KAZN: variants seen among roughly 807,000 people sequenced by gnomAD.
KAZN encodes kazrin.
In KAZN, 40 loss-of-function variants were observed where a neutral mutation model predicts 87.4. The observed-to-expected ratio is 0.46, with a 90% CI of 0.36 to 0.60. The LOEUF is 0.60. KAZN is among the 20% of genes least tolerant of loss of function. KAZN has a pLI of 0.00. For synonymous variants in KAZN, 466 were observed against 458.3 expected (o/e 1.02, Z -0.22); for missense variants, 898 against 1,073.9 (o/e 0.84, Z 2.29).
At chr1:14,593,539 A>G (rs1309128946) in intron 2 of KAZN, among the ~76,000 whole-genome samples, 2 of 152,226 alleles carry the variant, frequency 1.3e-5, no homozygotes, top group African/African-American at 4.8e-5. Context: ...AAGACAAAGA[A>G]GAATAAGCAG....
chr1:14,851,033 G>A (rs1352132719), intron 1 of KAZN, among the ~76,000 whole-genome samples: 1 of 152,188 alleles, frequency 6.6e-6, no homozygotes, highest in African/African-American at 2.4e-5. Flanking sequence ...AGAATTTGGG[G>A]ATACTCCCTG....
chr1:14,467,342 A>AC (rs1491549961), intron 2 of KAZN, among the ~76,000 whole-genome samples: 3 of 151,340 alleles, frequency 2.0e-5, no homozygotes, highest in African/African-American at 7.3e-5. Context: ...TAAAAAAAAA[A>AC]CAACAAGGAA....
intron 1 of KAZN, among the ~76,000 whole-genome samples, chr1:13,945,560 A>C (rs6670037): frequency 0.14 from 20,518 of 150,736 alleles, 1,533 homozygotes; most frequent in Middle Eastern, 0.22. Context: ...GCTAATATCA[A>C]CTCACAATAT....
intron 7 of KAZN, among the ~76,000 whole-genome samples, chr1:15,064,618 T>C (rs1639073376): frequency 6.6e-6 from 1 of 152,232 alleles, no homozygotes; most frequent in Admixed American, 6.5e-5. Flanking sequence ...TCAGGTGCTT[T>C]CCAGGGTTCC....
intron 1 of KAZN, among the ~76,000 whole-genome samples, chr1:14,901,169 A>C (rs929053450): frequency 6.6e-6 from 1 of 152,160 alleles, no homozygotes; most frequent in Non-Finnish European, 1.5e-5. Flanking sequence ...GGCTTCAGAG[A>C]AGGTGCTGGG....
intron 2 of KAZN, among the ~76,000 whole-genome samples, chr1:14,295,990 A>AC (rs1329657531): frequency 6.6e-6 from 1 of 152,146 alleles, no homozygotes; most frequent in African/African-American, 2.4e-5. Context: ...TGTCTGTGTG[A>AC]CCTGGGGCAA....
intron 2 of KAZN, among the ~76,000 whole-genome samples, chr1:14,502,460 T>A (rs1298079668): frequency 6.6e-6 from 1 of 152,096 alleles, no homozygotes; most frequent in Non-Finnish European, 1.5e-5. Flanking sequence ...AATTTCTGGG[T>A]TTTTTTAGGT....
intron 1 of KAZN, among the ~76,000 whole-genome samples, chr1:14,176,489 G>T (rs935182068): frequency 2.0e-5 from 3 of 152,188 alleles, no homozygotes; most frequent in African/African-American, 4.8e-5. Flanking sequence ...TCTGTTTTCA[G>T]ATCCCCAAAT....
intron 2 of KAZN, among the ~76,000 whole-genome samples, chr1:14,476,072 T>C (rs546228591): frequency 3.9e-5 from 6 of 152,300 alleles, no homozygotes; most frequent in African/African-American, 1.2e-4. Context: ...CTCTGCCCAT[T>C]GTGCAGATGG....
intron 1 of KAZN, among the ~76,000 whole-genome samples, chr1:14,909,582 C>T (rs1262613530): frequency 6.6e-6 from 1 of 152,174 alleles, no homozygotes; most frequent in South Asian, 2.1e-4. Flanking sequence ...TCTTTCAAAG[C>T]CAGGGCCAAA....
chr1:14,944,261 C>G (rs1464537091), intron 1 of KAZN, among the ~76,000 whole-genome samples: 1 of 143,904 alleles, frequency 6.9e-6, no homozygotes, highest in African/African-American at 2.6e-5. Flanking sequence ...TCACATTTTT[C>G]TGTGCCTTAA....
chr1:14,142,570 T>G (rs537857319), intron 1 of KAZN, among the ~76,000 whole-genome samples: 1 of 152,334 alleles, frequency 6.6e-6, no homozygotes, highest in South Asian at 2.1e-4. Context: ...TGTACATTCC[T>G]CGTATCCCTG....
Position 13,978,042 on chromosome 1 carries a change from G to A in KAZN, c.91+84286G>A, listed in dbSNP as rs376227562. Among the ~76,000 whole-genome samples the A allele has an allele frequency of 6.6e-5, 10 of 151,504 alleles. No homozygotes were observed. In the East Asian group the frequency reaches 1.6e-3, roughly 24 times the overall value. On this transcript the variant is annotated intron_variant, in intron 1 of 16. Coordinates refer to the KAZN transcript ENST00000636203. ...GCTGGGGAGGCTGAGACAGCAGAAT[G>A]GCGTGAACCTGGGAGGCGGAGGTTG...
At chr1:14,470,323 G>T (rs1668385944) in intron 2 of KAZN, among the ~76,000 whole-genome samples, 1 of 152,142 alleles carries the variant, frequency 6.6e-6, no homozygotes, top group African/African-American at 2.4e-5. Context: ...TTAGCACTTG[G>T]GGATAGCAAC....
chr1:14,250,874 G>T (rs898001336), intron 2 of KAZN, among the ~76,000 whole-genome samples: 1 of 149,252 alleles, frequency 6.7e-6, no homozygotes, highest in Non-Finnish European at 1.5e-5. Flanking sequence ...TTAAATATTA[G>T]AAATATTTAT....
chr1:14,754,956 G>C (rs1051881451), intron 1 of KAZN, among the ~76,000 whole-genome samples: 5 of 151,862 alleles, frequency 3.3e-5, no homozygotes, highest in African/African-American at 9.7e-5. Flanking sequence ...AACAAGTCTC[G>C]CATGACCGGG....
chr1:15,036,679 A>C (rs1420126768), intron 3 of KAZN, among the ~76,000 whole-genome samples: 2 of 152,098 alleles, frequency 1.3e-5, no homozygotes, highest in African/African-American at 4.8e-5. Context: ...AAGGAGTCAG[A>C]GACCAGGAGC....
At chr1:15,071,801 T>TGTACAGAAACCATGCTTCTGGA (rs1639519208) in intron 8 of KAZN, among the ~76,000 whole-genome samples, 1 of 152,182 alleles carries the variant, frequency 6.6e-6, no homozygotes, top group South Asian at 2.1e-4. Flanking sequence ...TGCCAGGCTG[T>TGTACAGAAACCATGCTTCTGGA]GTACAGAAAC....
chr1:14,514,613 A>ATTTTTT (rs1557770534), intron 2 of KAZN, among the ~76,000 whole-genome samples: 972 of 46,062 alleles, frequency 0.021, 37 homozygotes, highest in Middle Eastern at 0.054. Flanking sequence ...ATATATATAT[A>ATTTTTT]TATATATATA....
Sources: gnomAD v4.1 joint callset for allele counts (sites outside exome capture counted in the v4.1 genomes callset) on GRCh38, gnomAD v4.1.1 for gene constraint, MANE v1.5 for transcripts, NCBI Gene and HGNC (gene_info 2026-07-23, HGNC 2026-07-21) for gene names.